Variants in HEATR4 observed in about 807,000 individuals in gnomAD.
HEATR4 encodes the protein HEAT repeat-containing protein 4.
Under a neutral mutation model 108.8 loss-of-function variants are expected in HEATR4, and 95 were observed. The observed-to-expected ratio is 0.87, with a 90% confidence interval of 0.74 to 1.04. HEATR4 has a LOEUF of 1.04. Among genes scored for constraint, HEATR4 ranks in the 50% least tolerant of loss-of-function variants. The pLI, the probability that HEATR4 is intolerant of heterozygous loss-of-function variation, is 0.00. For synonymous variants in HEATR4, 443 were observed against 459.4 expected, an observed-to-expected ratio of 0.96 and a Z score of 0.46; for missense variants, 1,152 against 1,253.8, an observed-to-expected ratio of 0.92 and a Z score of 1.23.
intron 6 of HEATR4, among the ~76,000 whole-genome samples, chr14:73,512,543 T>C (rs564182422): frequency 6.6e-6 from 1 of 152,290 alleles, no homozygotes; most frequent in South Asian, 2.1e-4. Flanking sequence ...AGCCTGAGAT[T>C]TCTTATTTGT....
intron 15 of HEATR4, among the ~76,000 whole-genome samples, chr14:73,495,621 G>C (rs1452488750): frequency 1.3e-5 from 2 of 152,052 alleles, no homozygotes; most frequent in Admixed American, 6.6e-5. Context: ...ATGCTTATCA[G>C]TAGTAGGTGG....
At chr14:73,569,254 T>G in the HEATR4 span, 1 of 1,613,652 alleles carries the variant, frequency 6.2e-7, no homozygotes, top group Non-Finnish European at 8.5e-7. Context: ...TCTAACAAGC[T>G]TCTTTCTCCC....
the HEATR4 span, among the ~76,000 whole-genome samples, chr14:73,614,157 C>T: frequency 3.5e-3 from 525 of 151,612 alleles, 2 homozygotes; most frequent in Non-Finnish European, 5.4e-3. Context: ...GCTGAGATCA[C>T]GCCACTGCAT....
Position 73,544,468 on chromosome 14 carries a change from A to G in HEATR4, c.-151-14224T>C, listed in dbSNP as rs1408722625. On this transcript the variant is annotated intron_variant, in intron 1 of 17. Coordinates refer to ENST00000553558, the MANE Select transcript of HEATR4 (RefSeq NM_001220484.1). ...TACTAAAACTTTTCAAAACCAATAC[A>G]TATTTAGTTCTTTGATATCTTCTCC... is the stretch of plus-strand genomic sequence containing the variant. Among the ~76,000 whole-genome samples, 5 of 115,350 alleles carry G rather than the reference A, an allele frequency of 4.3e-5. 2 individuals carry two copies. The highest frequency in any genetic ancestry group is 9.4e-5 in the Non-Finnish European group (5 of 52,970). 75.7% of individuals were successfully genotyped at this position (115,350 alleles called of 152,430 possible).
the HEATR4 span, chr14:73,574,797 T>C: frequency 8.1e-5 from 128 of 1,571,394 alleles, 1 homozygote; most frequent in Non-Finnish European, 1.1e-4. Context: ...GGGTAAATGG[T>C]AGAACCTAGA....
the HEATR4 span, among the ~76,000 whole-genome samples, chr14:73,630,079 G>C: frequency 6.6e-6 from 1 of 151,452 alleles, no homozygotes; most frequent in Non-Finnish European, 1.5e-5. Context: ...AATATGATTG[G>C]ACAAAAAGGG....
chr14:73,512,050 G>T lies in HEATR4; in HGVS notation c.1514C>A (p.Ala505Asp). The change falls in exon 7 of 18, where the codon GCT (alanine) becomes GAT (aspartate). Residue 505 changes from alanine to aspartate, a missense_variant. Physicochemically the swap from Ala to Asp is moderately radical, Grantham distance 126 (BLOSUM62 -2). Coordinates refer to ENST00000553558, the MANE Select transcript of HEATR4 (RefSeq NM_001220484.1). ...RIKAITTCAT[A>D]ALERPRIATS... Reference sequence around the variant, plus strand: ...GGCAATCCGGGGCCGTTCCAAAGCAGCTGTGGCACATGTGGTGATAGCTTT... The same window carrying T: ...GGCAATCCGGGGCCGTTCCAAAGCATCTGTGGCACATGTGGTGATAGCTTT... 6.2e-7 allele frequency: 1 copy of T among 1,614,096 alleles called. No individual in the cohort carries two copies. The highest frequency in any genetic ancestry group is 8.5e-7 in the Non-Finnish European group (1 of 1,180,000).
chr14:73,560,945 T>C (rs1006660458), upstream of HEATR4, among the ~76,000 whole-genome samples: 3 of 152,068 alleles, frequency 2.0e-5, no homozygotes, highest in Non-Finnish European at 2.9e-5. Flanking sequence ...GATATTTGTA[T>C]ACCCATGTTC....
the HEATR4 span, chr14:73,567,740 G>A: frequency 6.6e-6 from 1 of 151,194 alleles, no homozygotes; most frequent in East Asian, 2.0e-4. Flanking sequence ...CACCGTGAAG[G>A]TATACAGCTT....
At chr14:73,528,409 A>AAC (rs1157461358) in intron 2 of HEATR4, among the ~76,000 whole-genome samples, 4 of 148,402 alleles carry the variant, frequency 2.7e-5, no homozygotes, top group Non-Finnish European at 6.1e-5. Context: ...AAAAAAAAAA[A>AAC]AAAAACTTAA....
At chr14:73,619,195 G>A in the HEATR4 span, 1 of 1,521,230 alleles carries the variant, frequency 6.6e-7, no homozygotes, top group Non-Finnish European at 8.8e-7. Flanking sequence ...CTCCATTTAT[G>A]AATTCTAAGC....
intron 5 of HEATR4, among the ~76,000 whole-genome samples, chr14:73,517,665 CAAA>C (rs34441032): frequency 2.9e-4 from 17 of 59,360 alleles, no homozygotes; most frequent in Non-Finnish European, 4.9e-4. Flanking sequence ...GAGACCCTGT[CAAA>C]AAAAAAAAAA....
chr14:73,541,942 A>G (rs1322062526), intron 1 of HEATR4, among the ~76,000 whole-genome samples: 1 of 112,010 alleles, frequency 8.9e-6, no homozygotes, highest in Middle Eastern at 4.3e-3. Flanking sequence ...TGCAACCTCC[A>G]CCTCCCAAGT....
intron 16 of HEATR4, 145 bp from the exon 17 acceptor site, chr14:73,493,269 A>AT (rs966401722): frequency 4.2e-5 from 27 of 638,116 alleles, no homozygotes; most frequent in South Asian, 6.9e-5. Context: ...CAGATATTAG[A>AT]TTTTTTTTGG....
At chr14:73,569,853 C>T in the HEATR4 span, 7 of 1,605,078 alleles carry the variant, frequency 4.4e-6, no homozygotes, top group South Asian at 1.1e-5. Flanking sequence ...GCGCGTGGGC[C>T]GGGTGCGAGG....
the HEATR4 span, among the ~76,000 whole-genome samples, chr14:73,630,668 G>C: frequency 6.6e-6 from 1 of 152,198 alleles, no homozygotes; most frequent in Non-Finnish European, 1.5e-5. Context: ...AGGTAGATCA[G>C]ATCATTTGTT....
chr14:73,488,418 G>A (rs747839590), intron 17 of HEATR4, among the ~76,000 whole-genome samples: 40 of 152,174 alleles, frequency 2.6e-4, no homozygotes, highest in South Asian at 8.3e-4. Flanking sequence ...TGACAGGGGC[G>A]TGCCACTATG....
intron 2 of HEATR4, among the ~76,000 whole-genome samples, chr14:73,528,342 A>T (rs1199838909): frequency 6.9e-6 from 1 of 145,692 alleles, no homozygotes; most frequent in East Asian, 2.0e-4. Context: ...CAGTGAGCCA[A>T]GATCGCGCCA....
intron 10 of HEATR4, among the ~76,000 whole-genome samples, chr14:73,505,731 A>G (rs780569704): frequency 6.6e-6 from 1 of 151,736 alleles, no homozygotes; most frequent in Non-Finnish European, 1.5e-5. Flanking sequence ...ACACTCTGAG[A>G]AGCAGCACAG....
Sources: gnomAD v4.1 joint callset for allele counts (sites outside exome capture counted in the v4.1 genomes callset) on GRCh38, gnomAD v4.1.1 for gene constraint, MANE v1.5 for transcripts, NCBI Gene and HGNC (gene_info 2026-07-23, HGNC 2026-07-21) for gene names.